CACNA1C: variants seen among roughly 807,000 people sequenced by gnomAD.
CACNA1C encodes the protein calcium voltage-gated channel subunit alpha1 C, also known as voltage-dependent L-type calcium channel subunit alpha-1C.
CACNA1C carries 30 observed loss-of-function variants against 229.0 expected under a neutral mutation model. The ratio of observed to expected loss-of-function variants is 0.13; its 90% CI spans 0.10 to 0.18. The LOEUF (loss-of-function observed/expected upper bound fraction) is 0.18. Ranked by LOEUF, CACNA1C falls within the 10% of genes least tolerant of loss-of-function variation. CACNA1C has a pLI of 1.00. For missense variants in CACNA1C, 1,658 were observed against 2,845.0 expected, an observed-to-expected ratio of 0.58 and a Z score of 9.49; for synonymous variants, 1,114 against 1,132.5, an observed-to-expected ratio of 0.98 and a Z score of 0.33.
At chr12:1,991,394 G>T in intron 1 of CACNA1C, 1 of 273,930 alleles carries the variant, frequency 3.7e-6, no homozygotes, top group Non-Finnish European at 7.3e-6. Context: ...ATAGAAATAT[G>T]AGGGGAACCA....
chr12:2,494,806 C>T (rs1236790987), intron 7 of CACNA1C, among the ~76,000 whole-genome samples: 1 of 152,196 alleles, frequency 6.6e-6, no homozygotes, highest in African/African-American at 2.4e-5. Context: ...ATGCCAAACC[C>T]CAGTGTTGCT....
At chr12:2,153,616 G>T (rs1014282913) in intron 3 of CACNA1C, among the ~76,000 whole-genome samples, 4 of 152,328 alleles carry the variant, frequency 2.6e-5, no homozygotes, top group African/African-American at 9.6e-5. Flanking sequence ...CATGGGAGAG[G>T]CAAGTGGATC....
intron 3 of CACNA1C, among the ~76,000 whole-genome samples, chr12:2,308,124 A>G (rs1031310290): frequency 2.0e-5 from 3 of 152,236 alleles, no homozygotes; most frequent in African/African-American, 7.2e-5. Context: ...TCAAACACCC[A>G]CATGCTAGGA....
chr12:1,992,434 T>C (rs1308789419), intron 1 of CACNA1C: 2 of 153,346 alleles, frequency 1.3e-5, no homozygotes, highest in African/African-American at 4.8e-5. Flanking sequence ...AAGAGTAGGA[T>C]GAAAAATATA....
chr12:2,091,129 G>T (rs1207226506), intron 1 of CACNA1C, among the ~76,000 whole-genome samples: 1 of 152,134 alleles, frequency 6.6e-6, no homozygotes, highest in African/African-American at 2.4e-5. Context: ...CTGCAGAGGG[G>T]GCCAGATCAA....
intron 1 of CACNA1C, among the ~76,000 whole-genome samples, chr12:1,974,947 G>A (rs1451484961): frequency 6.6e-6 from 1 of 152,086 alleles, no homozygotes; most frequent in Non-Finnish European, 1.5e-5. Flanking sequence ...ATGAAGAACA[G>A]ACTTCTTCAT....
intron 3 of CACNA1C, among the ~76,000 whole-genome samples, chr12:2,180,355 G>T (rs1405223437): frequency 6.6e-6 from 1 of 152,230 alleles, no homozygotes; most frequent in Non-Finnish European, 1.5e-5. Context: ...ACTGGCTTCT[G>T]CTAGGAAGCC....
At position 2,597,338 on chromosome 12, in the gene CACNA1C, C is replaced by G; in HGVS notation, c.2853+49C>G. ...TCCTCCTGTCCCCCTTGTGCCAGCA[C>G]CAGGTCTCTGCCGCTGTCTGTCGCT... On this transcript the variant is annotated intron_variant, in intron 21 of 46. Transcript: ENST00000399655. The surrounding 1 kb of genome is among the most constrained non-coding windows in gnomAD (Gnocchi z 4.3). 2 of 1,520,910 alleles carry G rather than the reference C, an allele frequency of 1.3e-6. No individual in the cohort carries two copies. Among genetic ancestry groups the G allele is most frequent in the Non-Finnish European group, 1.8e-6 (2 of 1,095,040 alleles). 94.2% of individuals were successfully genotyped at this position (1,520,910 alleles called of 1,614,324 possible). A position where few individuals can be genotyped will look rare whatever the true frequency, so the allele number is the denominator to read the frequency against.
At chr12:2,652,967 G>A (rs896919469) in intron 32 of CACNA1C, among the ~76,000 whole-genome samples, 6 of 152,358 alleles carry the variant, frequency 3.9e-5, no homozygotes, top group East Asian at 1.9e-4. Context: ...CGGCGCAGGC[G>A]TTCGGGCCAG....
At chr12:2,279,904 A>G (rs1266221145) in intron 3 of CACNA1C, among the ~76,000 whole-genome samples, 1 of 152,190 alleles carries the variant, frequency 6.6e-6, no homozygotes, top group East Asian at 1.9e-4. Flanking sequence ...GCATCTGAGG[A>G]TTTGGGTATC....
chr12:2,161,284 G>C (rs2095841339), intron 3 of CACNA1C, among the ~76,000 whole-genome samples: 1 of 152,218 alleles, frequency 6.6e-6, no homozygotes, highest in South Asian at 2.1e-4. Context: ...GGGTCTCTGG[G>C]AGGGGAGAGA....
intron 3 of CACNA1C, among the ~76,000 whole-genome samples, chr12:2,381,422 GTAGAGACAGA>G (rs1297207795): frequency 6.6e-6 from 1 of 152,238 alleles, no homozygotes; most frequent in African/African-American, 2.4e-5. Context: ...CATTCAGGTT[GTAGAGACAGA>G]TGATGGATAC....
chr12:2,336,055 C>T (rs1435002702), intron 3 of CACNA1C, among the ~76,000 whole-genome samples: 4 of 150,512 alleles, frequency 2.7e-5, no homozygotes, highest in Non-Finnish European at 4.4e-5. Flanking sequence ...CCCTAAGCAT[C>T]CTCTTTGTTC....
At chr12:2,686,329 G>A (rs1352848822) in intron 45 of CACNA1C, 60 bp downstream of exon 45, 3 of 1,296,500 alleles carry the variant, frequency 2.3e-6, no homozygotes, top group African/African-American at 2.9e-5. Flanking sequence ...AGTCCCCAGG[G>A]TGACGGACAA....
chr12:2,540,046 G>T (rs970535578), intron 9 of CACNA1C, among the ~76,000 whole-genome samples: 10 of 152,184 alleles, frequency 6.6e-5, no homozygotes, highest in Non-Finnish European at 1.0e-4. Flanking sequence ...TGGGCAGCAA[G>T]AAGCAGCCAG....
intron 5 of CACNA1C, among the ~76,000 whole-genome samples, chr12:2,466,888 CT>C (rs2099554841): frequency 6.6e-6 from 1 of 152,182 alleles, no homozygotes; most frequent in South Asian, 2.1e-4. Context: ...CTCTCCACCC[CT>C]GTTCTCACCC....
rs1448233743 is a variant in CACNA1C at position 2,601,222 on chromosome 12, G to T, written c.2854-632G>T. Among the ~76,000 whole-genome samples the T allele has an allele frequency of 6.6e-6, 1 of 152,198 alleles. No homozygotes were observed. The highest frequency in any genetic ancestry group is 1.5e-5 in the Non-Finnish European group (1 of 68,042). ...GCACCCTTTGAGGCCAGGAAGGGGA[G>T]GTATGCTAATTGCCAGGGTCACCAC... is the stretch of plus-strand genomic sequence containing the variant. On this transcript the variant is annotated intron_variant, in intron 21 of 46. Transcript: ENST00000399655. This position sits in a 1 kb window ranked among gnomAD's most constrained non-coding sequence, Gnocchi z 5.9.
chr12:2,550,496 A>G (rs990201439), intron 10 of CACNA1C: 9 of 1,321,266 alleles, frequency 6.8e-6, no homozygotes, highest in Non-Finnish European at 9.0e-6. Flanking sequence ...ATGTTCTGGG[A>G]GATGACTGGC....
chr12:1,988,354 T>C (rs765691937), intron 1 of CACNA1C, among the ~76,000 whole-genome samples: 1 of 152,198 alleles, frequency 6.6e-6, no homozygotes, highest in Non-Finnish European at 1.5e-5. Context: ...CTTAAAATAT[T>C]TGCTCAGAAG....
Sources: allele counts gnomAD v4.1 joint callset (sites outside exome capture counted in the v4.1 genomes callset), GRCh38; gene constraint gnomAD v4.1.1; non-coding constraint Gnocchi (gnomAD v3.1); transcripts MANE v1.5; gene names NCBI Gene and HGNC (gene_info 2026-07-23, HGNC 2026-07-21).